Variants in ERBB4 observed in about 807,000 individuals in gnomAD.
The protein encoded by ERBB4 is receptor tyrosine-protein kinase erbB-4.
A neutral mutation model predicts 158.0 loss-of-function variants in ERBB4; 42 were observed. The observed-to-expected ratio is 0.27, with a 90% CI of 0.21 to 0.34. The LOEUF is 0.34. Among genes scored for constraint, ERBB4 ranks in the 10% least tolerant of loss-of-function variants. The probability of loss-of-function intolerance (pLI) is 1.00; values close to 1 mark genes in which losing one functional copy is unlikely to be tolerated. For synonymous variants in ERBB4, 583 were observed against 558.7 expected (o/e 1.04, Z -0.61); for missense variants, 1,333 against 1,624.1 (o/e 0.82, Z 3.08).
At chr2:211,419,983 C>A (rs1173513681) in intron 25 of ERBB4, among the ~76,000 whole-genome samples, 1 of 151,986 alleles carries the variant, frequency 6.6e-6, no homozygotes, top group Admixed American at 6.6e-5. Flanking sequence ...GTTTCTACTT[C>A]AACTTGACAG....
At position 212,220,910 on chromosome 2, in the gene ERBB4, A is replaced by T. The variant is rs189159866; in HGVS notation, c.83-96007T>A. ...CACAATGATCATATTTATTTTTGCTACTTTTGAGGTCTCTGGCTTCTATAA... is the reference window on the plus strand; with the variant it reads ...CACAATGATCATATTTATTTTTGCTTCTTTTGAGGTCTCTGGCTTCTATAA... On this transcript the variant is annotated intron_variant, in intron 1 of 27. Coordinates refer to ENST00000342788, the MANE Select transcript of ERBB4 (RefSeq NM_005235.3). Among the ~76,000 whole-genome samples, 8 of 151,622 alleles carry T rather than the reference A, an allele frequency of 5.3e-5. No individual in the cohort carries two copies. The East Asian group carries it at 1.2e-3, about 22-fold the overall frequency.
intron 19 of ERBB4, among the ~76,000 whole-genome samples, chr2:211,599,974 G>A (rs564706791): frequency 3.3e-5 from 5 of 152,208 alleles, no homozygotes; most frequent in Admixed American, 2.6e-4. Flanking sequence ...TTGTTTCCAT[G>A]TGAGGATGAC....
At chr2:211,934,564 C>T (rs1236445933) in intron 3 of ERBB4, among the ~76,000 whole-genome samples, 1 of 151,956 alleles carries the variant, frequency 6.6e-6, no homozygotes, top group East Asian at 1.9e-4. Flanking sequence ...TTCCTTCCTT[C>T]CACCTCATCC....
chr2:211,923,869 T>A (rs185914771), intron 3 of ERBB4, among the ~76,000 whole-genome samples: 1 of 151,990 alleles, frequency 6.6e-6, no homozygotes, highest in Non-Finnish European at 1.5e-5. Context: ...ATTACAGGCA[T>A]GCACCATCAC....
intron 1 of ERBB4, among the ~76,000 whole-genome samples, chr2:212,152,900 G>T (rs1378374582): frequency 6.6e-6 from 1 of 152,114 alleles, no homozygotes; most frequent in East Asian, 1.9e-4. Flanking sequence ...AGAGTGTGTA[G>T]TTCTAAGCCT....
intron 13 of ERBB4, among the ~76,000 whole-genome samples, chr2:211,676,596 A>C (rs1357009812): frequency 6.6e-6 from 1 of 152,190 alleles, no homozygotes; most frequent in African/African-American, 2.4e-5. Context: ...TCAAGATGAA[A>C]AATCAGATAC....
rs984474605 is a variant in ERBB4, at chr2:212,491,116, A to C, written c.82+47333T>G. Among the ~76,000 whole-genome samples, 3 of 151,690 alleles carry C rather than the reference A, an allele frequency of 2.0e-5. No individual in the cohort carries two copies. In the South Asian group the frequency reaches 6.2e-4, roughly 31 times the overall value. On this transcript the variant is annotated intron_variant, in intron 1 of 27. Transcript: ENST00000342788. ...GCATCTGAGGCTGTCTCTGTAACTA[A>C]ATCAAATGGACTGAATGATCATAAG...
chr2:211,881,242 A>G (rs766479522), intron 3 of ERBB4, among the ~76,000 whole-genome samples: 2 of 152,256 alleles, frequency 1.3e-5, no homozygotes, highest in African/African-American at 4.8e-5. Flanking sequence ...AGACTGGTCA[A>G]GAGCAAAGGT....
chr2:212,231,316 C>T (rs2083658601), intron 1 of ERBB4, among the ~76,000 whole-genome samples: 2 of 152,098 alleles, frequency 1.3e-5, no homozygotes, highest in Admixed American at 1.3e-4. Flanking sequence ...GTTATAAAAC[C>T]TTTTCACTTC....
chr2:211,855,968 A>G (rs984270999), intron 3 of ERBB4, among the ~76,000 whole-genome samples: 3 of 152,218 alleles, frequency 2.0e-5, no homozygotes. Context: ...AATTTAGAAA[A>G]TCTCAGGATA....
chr2:212,127,143 T>C (rs1313912361), intron 1 of ERBB4, among the ~76,000 whole-genome samples: 2 of 152,192 alleles, frequency 1.3e-5, no homozygotes, highest in Admixed American at 6.5e-5. Context: ...TCTTCCTAGA[T>C]GTAAATCAAA....
At chr2:212,240,681 A>T (rs555457244) in intron 1 of ERBB4, among the ~76,000 whole-genome samples, 320 of 151,300 alleles carry the variant, frequency 2.1e-3, no homozygotes, top group African/African-American at 7.5e-3. Context: ...AAAAAAAAGA[A>T]AAAAGGACAG....
intron 16 of ERBB4, among the ~76,000 whole-genome samples, chr2:211,634,371 T>C (rs899263371): frequency 1.3e-5 from 2 of 152,330 alleles, no homozygotes; most frequent in South Asian, 4.1e-4. Context: ...TGATTACTAT[T>C]ATGTTTCTTA....
intron 1 of ERBB4, among the ~76,000 whole-genome samples, chr2:212,222,275 C>A (rs1465957830): frequency 6.6e-6 from 1 of 151,482 alleles, no homozygotes; most frequent in Admixed American, 6.6e-5. Flanking sequence ...TGGTCAAAAT[C>A]AGCAGCAAAC....
At chr2:212,311,898 A>C (rs1239018186) in intron 1 of ERBB4, among the ~76,000 whole-genome samples, 1 of 151,022 alleles carries the variant, frequency 6.6e-6, no homozygotes, top group Non-Finnish European at 1.5e-5. Flanking sequence ...AAACATAAAG[A>C]CACATAAACT....
intron 1 of ERBB4, among the ~76,000 whole-genome samples, chr2:212,336,825 C>T (rs2088464703): frequency 2.1e-5 from 1 of 48,126 alleles, no homozygotes; most frequent in Admixed American, 2.4e-4. Context: ...GACACTTCTA[C>T]TTGTAAAGCA....
chr2:212,179,523 T>G (rs1026665658), intron 1 of ERBB4, among the ~76,000 whole-genome samples: 2 of 151,476 alleles, frequency 1.3e-5, no homozygotes, highest in Non-Finnish European at 3.0e-5. Flanking sequence ...AAGAGCTATA[T>G]TAACACGGAG....
intron 3 of ERBB4, among the ~76,000 whole-genome samples, chr2:211,915,840 G>A (rs1260934354): frequency 2.0e-5 from 3 of 151,748 alleles, no homozygotes; most frequent in Admixed American, 1.3e-4. Context: ...GATAGTAATA[G>A]CAACATTAAA....
Position 211,702,177 on chromosome 2 carries a change from G to A in ERBB4, c.1290-11C>T, listed in dbSNP as rs2106037689. Reference sequence around the variant, plus strand: ...AGCAAGGACAGGCCACTAAGGAGGGGGAAGTGAGAAAACGGAACCATGAAA... The same window carrying A: ...AGCAAGGACAGGCCACTAAGGAGGGAGAAGTGAGAAAACGGAACCATGAAA... On this transcript the variant is annotated splice_polypyrimidine_tract_variant and intron_variant, in intron 11 of 27. Transcript: ENST00000342788. The A allele has an allele frequency of 1.2e-6, 2 of 1,611,572 alleles. No individual in the cohort carries two copies. The highest frequency in any genetic ancestry group is 2.7e-5 in the African/African-American group (2 of 74,922).
Sources: allele counts gnomAD v4.1 joint callset (sites outside exome capture counted in the v4.1 genomes callset), GRCh38; gene constraint gnomAD v4.1.1; transcripts MANE v1.5; gene names NCBI Gene and HGNC (gene_info 2026-07-23, HGNC 2026-07-21).